SAXO1: variants seen among roughly 807,000 people sequenced by gnomAD.
SAXO1 encodes the protein stabilizer of axonemal microtubules 1, also known as 4930500O09Rik.
A neutral mutation model predicts 17.5 loss-of-function variants in SAXO1; 21 were observed. That is an observed-to-expected ratio of 1.20 (90% CI 0.85 to 1.72). SAXO1 has a LOEUF of 1.72. Ranked by LOEUF, SAXO1 falls within the 40% of genes most tolerant of loss-of-function variation. The probability of loss-of-function intolerance (pLI) is 0.00; values close to 1 mark genes in which losing one functional copy is unlikely to be tolerated. For synonymous variants in SAXO1, 274 were observed against 216.5 expected, an observed-to-expected ratio of 1.27 and a Z score of -2.33; for missense variants, 843 against 596.0, an observed-to-expected ratio of 1.41 and a Z score of -4.32.
intron 1 of SAXO1, among the ~76,000 whole-genome samples, chr9:18,995,561 T>A (rs1833966591): frequency 6.6e-6 from 1 of 152,220 alleles, no homozygotes; most frequent in Admixed American, 6.5e-5. Context: ...TTCCCTTTTT[T>A]AAGCCTTACT....
intron 3 of SAXO1, among the ~76,000 whole-genome samples, chr9:18,935,892 T>C (rs1186188496): frequency 6.6e-6 from 1 of 152,186 alleles, no homozygotes; most frequent in Non-Finnish European, 1.5e-5. Context: ...CCTAGCCTGC[T>C]CCGGCAGAGC....
intron 3 of SAXO1, among the ~76,000 whole-genome samples, chr9:18,937,219 C>T (rs947528735): frequency 6.6e-6 from 1 of 152,196 alleles, no homozygotes; most frequent in Non-Finnish European, 1.5e-5. Context: ...ACTGACCCAA[C>T]CAAATGGTAA....
chr9:19,020,803 T>G (rs546033391), intron 1 of SAXO1, among the ~76,000 whole-genome samples: 1 of 152,196 alleles, frequency 6.6e-6, no homozygotes, highest in Non-Finnish European at 1.5e-5. Context: ...AAGCTAACAA[T>G]AGAGTTCTAG....
intron 3 of SAXO1, among the ~76,000 whole-genome samples, chr9:18,933,439 A>G (rs1487126729): frequency 6.6e-6 from 1 of 152,248 alleles, no homozygotes; most frequent in Admixed American, 6.5e-5. Flanking sequence ...TGATTTAAGA[A>G]GAAAACAAAG....
At chr9:19,004,405 A>T (rs1207057360) in intron 1 of SAXO1, among the ~76,000 whole-genome samples, 1 of 152,250 alleles carries the variant, frequency 6.6e-6, no homozygotes, top group Non-Finnish European at 1.5e-5. Flanking sequence ...TACTATAAAG[A>T]CACATGCACA....
At chr9:18,954,704 T>A (rs1005863629) in intron 1 of SAXO1, among the ~76,000 whole-genome samples, 1 of 152,098 alleles carries the variant, frequency 6.6e-6, no homozygotes, top group Non-Finnish European at 1.5e-5. Context: ...TCCATTATGT[T>A]ATGTAGATGA....
At chr9:19,043,122 AG>A (rs750697835) in intron 1 of SAXO1, among the ~76,000 whole-genome samples, 63 of 152,172 alleles carry the variant, frequency 4.1e-4, no homozygotes, top group Non-Finnish European at 4.7e-4. Flanking sequence ...CAGTGAACCA[AG>A]ACTGCACCAC....
rs182551667 is a variant in SAXO1 at position 18,990,931 on chromosome 9, T to C, written c.39-39994A>G. Among the ~76,000 whole-genome samples the C allele has an allele frequency of 3.0e-3, 464 of 152,266 alleles. 3 individuals carry two copies. The highest frequency in any genetic ancestry group is 0.011 in the African/African-American group (451 of 41,558). On this transcript the variant is annotated intron_variant, in intron 1 of 3. Coordinates refer to ENST00000380534, the MANE Select transcript of SAXO1 (RefSeq NM_153707.4). ...TTCTACATTACAGTGAGTTGTATAA[T>C]TATTATATATTACAATATAATAATG...
In SAXO1 at chr9:18,932,895, C is replaced by T. The variant is rs1327313269; in HGVS notation, c.422-3840G>A. ...TGTTCAGTACTGACATCTCGCTGAA[C>T]TCATGTATTAGTTCTGGTAATTTTT... On this transcript the variant is annotated intron_variant, in intron 3 of 3. Coordinates refer to ENST00000380534, the MANE Select transcript of SAXO1 (RefSeq NM_153707.4). 3.1e-5 allele frequency among the ~76,000 whole-genome samples: 4 copies of T among 128,504 alleles called. No homozygotes were observed. The East Asian group carries it at 8.6e-4, about 28-fold the overall frequency. 84.3% of individuals were successfully genotyped at this position (128,504 alleles called of 152,430 possible). A position where few individuals can be genotyped will look rare whatever the true frequency, so the allele number is the denominator to read the frequency against.
At chr9:18,957,662 A>C (rs1474056132) in intron 1 of SAXO1, among the ~76,000 whole-genome samples, 1 of 152,166 alleles carries the variant, frequency 6.6e-6, no homozygotes, top group Non-Finnish European at 1.5e-5. Context: ...CATAAAACTC[A>C]TCATTCCATG....
At chr9:18,929,521 G>A (rs970150091) in intron 3 of SAXO1, among the ~76,000 whole-genome samples, 27 of 152,214 alleles carry the variant, frequency 1.8e-4, no homozygotes, top group East Asian at 3.8e-4. Flanking sequence ...CTACCTGGTC[G>A]TCTGTGGAGT....
upstream of SAXO1, among the ~76,000 whole-genome samples, chr9:19,038,163 T>A (rs979860395): frequency 6.6e-6 from 1 of 152,248 alleles, no homozygotes; most frequent in Non-Finnish European, 1.5e-5. Flanking sequence ...TTGGTGGGAC[T>A]GTAAACTAGT....
chr9:18,967,074 G>A (rs1411258993), intron 1 of SAXO1, among the ~76,000 whole-genome samples: 1 of 152,186 alleles, frequency 6.6e-6, no homozygotes, highest in African/African-American at 2.4e-5. Flanking sequence ...CAACAGAGGA[G>A]GCTGCAGAAC....
chr9:19,013,539 G>T (rs987990117), intron 1 of SAXO1, among the ~76,000 whole-genome samples: 1 of 115,770 alleles, frequency 8.6e-6, no homozygotes, highest in African/African-American at 3.5e-5. Context: ...TAAAAGTACG[G>T]ATTTTTTTTT....
Position 18,928,626 on chromosome 9 carries a change from G to A in SAXO1, c.851C>T (p.Pro284Leu), listed in dbSNP as rs1830890769. The A allele has an allele frequency of 6.2e-7, 1 of 1,614,028 alleles. No homozygotes were observed. Among genetic ancestry groups the A allele is most frequent in the Admixed American group, 1.7e-5 (1 of 60,000 alleles). Residue 284 changes from proline (P) to leucine (L), a missense_variant, in exon 4 of 4, where the codon CCC (proline) becomes CTC (leucine). Pro to Leu is a moderately conservative substitution (Grantham distance 98). Coordinates refer to ENST00000380534, the MANE Select transcript of SAXO1 (RefSeq NM_153707.4). Reference protein sequence around the residue: ...FRDKYQAWPMPRMFSKAPITY... With the variant: ...FRDKYQAWPMLRMFSKAPITY... ...GATGGGAGCTTTGGAGAACATCCGG[G>A]GCATTGGCCAAGCTTGGTACTTATC...
At chr9:19,002,061 G>T (rs1034396624) in intron 1 of SAXO1, among the ~76,000 whole-genome samples, 4 of 152,084 alleles carry the variant, frequency 2.6e-5, no homozygotes, top group Non-Finnish European at 4.4e-5. Context: ...TGATAAAGGG[G>T]ATATCACCAC....
chr9:18,950,990 A>G (rs1387065250), intron 1 of SAXO1, 53 bp from the exon 2 acceptor site: 3 of 1,533,472 alleles, frequency 2.0e-6, no homozygotes, highest in South Asian at 2.5e-5. Flanking sequence ...AAAAAACCCA[A>G]TTTCCTAAGA....
chr9:19,045,851 A>G (rs972191568), intron 1 of SAXO1, among the ~76,000 whole-genome samples: 19 of 152,318 alleles, frequency 1.2e-4, no homozygotes, highest in African/African-American at 4.6e-4. Context: ...CATAAACTAC[A>G]GCAAAGGCCA....
intron 1 of SAXO1, among the ~76,000 whole-genome samples, chr9:18,971,542 A>G (rs1345419844): frequency 6.6e-6 from 1 of 152,074 alleles, no homozygotes; most frequent in Non-Finnish European, 1.5e-5. Context: ...TACCAAAAAT[A>G]TTTTTCAACA....
Sources: gnomAD v4.1 joint callset for allele counts (sites outside exome capture counted in the v4.1 genomes callset) on GRCh38, gnomAD v4.1.1 for gene constraint, MANE v1.5 for transcripts, NCBI Gene and HGNC (gene_info 2026-07-23, HGNC 2026-07-21) for gene names.